The following SNAP91 variants were observed in gnomAD, a reference collection of about 807,000 sequenced individuals.
SNAP91 encodes synaptosome associated protein 91, also known as clathrin coat assembly protein AP180.
Under a neutral mutation model 100.3 loss-of-function variants are expected in SNAP91, and 27 were observed. That is an observed-to-expected ratio of 0.27 (90% CI 0.20 to 0.37). The LOEUF (loss-of-function observed/expected upper bound fraction) is 0.37, where lower values mean the gene tolerates loss of function less well. SNAP91 is among the 10% of genes least tolerant of loss of function. The pLI, the probability that SNAP91 is intolerant of heterozygous loss-of-function variation, is 1.00. For synonymous variants in SNAP91, 404 were observed against 398.6 expected (o/e 1.01, Z -0.16); for missense variants, 986 against 1,123.7 (o/e 0.88, Z 1.75).
At chr6:83,683,746 T>G (rs553780697) in intron 2 of SNAP91, among the ~76,000 whole-genome samples, 1 of 152,304 alleles carries the variant, frequency 6.6e-6, no homozygotes, top group African/African-American at 2.4e-5. Flanking sequence ...ACCTGGATAG[T>G]CTAAGATGGA....
rs2095560626 is a variant in SNAP91, at chr6:83,605,602, G to A, written c.1141+83C>T. 2.0e-6 allele frequency: 3 copies of A among 1,509,130 alleles called. No individual in the cohort carries two copies. The African/African-American group carries it at 4.2e-5, about 21-fold the overall frequency. The allele number at this position is 1,509,130 out of a possible 1,614,324, so 93.5% of individuals were successfully genotyped here. A position where few individuals can be genotyped will look rare whatever the true frequency, so the allele number is the denominator to read the frequency against. On this transcript the variant is annotated intron_variant, in intron 14 of 29. Coordinates refer to ENST00000369694, the MANE Select transcript of SNAP91 (RefSeq NM_001242792.2). ...TAATACCATTTTAGATAATCAAAAG[G>A]TAAATGTTAACAATTATAGCCTAAG...
chr6:83,694,258 G>T (rs994417011), intron 2 of SNAP91, among the ~76,000 whole-genome samples: 2 of 152,172 alleles, frequency 1.3e-5, no homozygotes, highest in Non-Finnish European at 2.9e-5. Context: ...TGGAATACAG[G>T]TAGAAATGAT....
intron 7 of SNAP91, among the ~76,000 whole-genome samples, chr6:83,647,272 T>C (rs557211545): frequency 1.2e-4 from 18 of 152,300 alleles, no homozygotes; most frequent in Middle Eastern, 3.4e-3. Flanking sequence ...TTCCTCCTGA[T>C]CTTACTGGGA....
In SNAP91 at chr6:83,641,086, T is replaced by C; in HGVS notation, c.765+10A>G. On this transcript the variant is annotated intron_variant, in intron 8 of 29. Coordinates refer to ENST00000369694, the MANE Select transcript of SNAP91 (RefSeq NM_001242792.2). Reference sequence around the variant, plus strand: ...AAATTATATTCCCAAGAAAACTTAATATTACTTACCTCTGCAACCTTGAGA... The same window carrying C: ...AAATTATATTCCCAAGAAAACTTAACATTACTTACCTCTGCAACCTTGAGA... The C allele has an allele frequency of 1.4e-6, 2 of 1,416,796 alleles. No homozygotes were observed. The highest frequency in any genetic ancestry group is 1.9e-6 in the Non-Finnish European group (2 of 1,055,470). 87.8% of individuals were successfully genotyped at this position (1,416,796 alleles called of 1,614,324 possible).
chr6:83,708,129 G>A, intron 1 of SNAP91, 172 bp from the exon 2 acceptor site: 1 of 563,308 alleles, frequency 1.8e-6, no homozygotes, highest in Non-Finnish European at 3.0e-6. Context: ...ATGCGGTCCA[G>A]GGAGTCTTGG....
chr6:83,557,937 T>C (rs929715957), intron 28 of SNAP91, among the ~76,000 whole-genome samples: 2 of 151,776 alleles, frequency 1.3e-5, no homozygotes, highest in Non-Finnish European at 2.9e-5. Context: ...TCTAGTATAA[T>C]TATGCTTCTT....
At chr6:83,628,457 T>C (rs2097060772) in intron 8 of SNAP91, among the ~76,000 whole-genome samples, 1 of 151,958 alleles carries the variant, frequency 6.6e-6, no homozygotes, top group Non-Finnish European at 1.5e-5. Context: ...GTGGCTGTAC[T>C]AGTTTACATT....
intron 2 of SNAP91, 122 bp from the exon 3 acceptor site, chr6:83,665,703 G>C (rs1467121121): frequency 9.2e-6 from 7 of 760,002 alleles, no homozygotes. Context: ...GATAATAGCT[G>C]ATAACAAAAT....
chr6:83,674,016 A>T (rs1447331337), intron 2 of SNAP91, among the ~76,000 whole-genome samples: 5 of 152,244 alleles, frequency 3.3e-5, no homozygotes. Context: ...TGAAGATAAC[A>T]GATGGGAGTT....
chr6:83,681,211 A>G (rs546936993), intron 2 of SNAP91, among the ~76,000 whole-genome samples: 4 of 152,200 alleles, frequency 2.6e-5, no homozygotes, highest in Non-Finnish European at 5.9e-5. Context: ...ACTCAACCTA[A>G]TAATTTCTGA....
intron 2 of SNAP91, among the ~76,000 whole-genome samples, chr6:83,667,009 T>C (rs895220512): frequency 2.0e-5 from 3 of 152,112 alleles, no homozygotes; most frequent in African/African-American, 4.8e-5. Flanking sequence ...CTGTGTACAA[T>C]ATTTATTGAG....
intron 8 of SNAP91, among the ~76,000 whole-genome samples, chr6:83,631,822 G>A (rs1160441150): frequency 6.6e-6 from 1 of 152,052 alleles, no homozygotes; most frequent in African/African-American, 2.4e-5. Context: ...GGGCATTTAG[G>A]CCATTTACAT....
chr6:83,674,185 G>C (rs1479807077), intron 2 of SNAP91, among the ~76,000 whole-genome samples: 1 of 152,168 alleles, frequency 6.6e-6, no homozygotes, highest in South Asian at 2.1e-4. Context: ...AGCACTTTGC[G>C]AGGCCGAGGC....
At chr6:83,587,123 T>C (rs1189342735) in intron 22 of SNAP91, among the ~76,000 whole-genome samples, 2 of 152,200 alleles carry the variant, frequency 1.3e-5, no homozygotes, top group Non-Finnish European at 2.9e-5. Flanking sequence ...ATACCAATTT[T>C]TAACAAAGCT....
chr6:83,593,396 A>C, intron 18 of SNAP91, 82 bp downstream of exon 18: 1 of 1,524,246 alleles, frequency 6.6e-7, no homozygotes, highest in Non-Finnish European at 8.9e-7. Flanking sequence ...ATTTAATTAC[A>C]CAGTCTTCAT....
chr6:83,626,076 G>A (rs909844921), intron 8 of SNAP91, among the ~76,000 whole-genome samples: 19 of 151,864 alleles, frequency 1.3e-4, no homozygotes, highest in African/African-American at 4.6e-4. Flanking sequence ...TTTGCATATG[G>A]CTAGCCAGTT....
Position 83,560,945 on chromosome 6 carries a change from T to A in SNAP91, c.2445A>T (p.Gln815His). 5 of 1,602,366 alleles carry A rather than the reference T, an allele frequency of 3.1e-6. No individual in the cohort carries two copies. Among genetic ancestry groups the A allele is most frequent in the Non-Finnish European group, 4.3e-6 (5 of 1,176,302 alleles). The part of the protein sequence containing the change: ...SAGVPPSAPL[Q>H]GAVPPTSSVP... ...CTGAACTGGTTGGAGGTACAGCTCC[T>A]TGCTACACAGATAGACAGACATACA... is the stretch of plus-strand genomic sequence containing the variant. Residue 815 changes from glutamine (Q) to histidine (H), a missense_variant and splice_region_variant, in exon 27 of 30, where the codon CAA becomes CAT. Around this residue, in one of 4 missense-constraint regions of SNAP91, gnomAD observed 575 missense variants for 579.9 expected, o/e 0.99. Transcript: ENST00000369694.
rs186801721 is a variant in SNAP91 at position 83,587,153 on chromosome 6, G to A, written c.2014+4058C>T. ...AAAGCTTTCGCCTCAATTTTAAAAT[G>A]GTTCTTAATGTTTAGTTTAAAATCT... On this transcript the variant is annotated intron_variant, in intron 22 of 29. Transcript: ENST00000369694. Among the ~76,000 whole-genome samples the A allele has an allele frequency of 2.8e-4, 43 of 151,948 alleles. No homozygotes were observed. In the East Asian group the frequency reaches 6.8e-3, roughly 24 times the overall value.
At chr6:83,562,261 T>C (rs1378200967) in intron 26 of SNAP91, among the ~76,000 whole-genome samples, 2 of 152,158 alleles carry the variant, frequency 1.3e-5, no homozygotes, top group South Asian at 2.1e-4. Flanking sequence ...ATATTCCTTA[T>C]GACTGTTGAT....
Sources: gnomAD v4.1 joint callset for allele counts (sites outside exome capture counted in the v4.1 genomes callset) on GRCh38, gnomAD v4.1.1 for gene constraint, gnomAD v4.1.1 regional missense constraint, MANE v1.5 for transcripts, NCBI Gene and HGNC (gene_info 2026-07-23, HGNC 2026-07-21) for gene names.